The following RFK variants were observed in gnomAD, a reference collection of about 807,000 sequenced individuals.
RFK encodes 0610038L10Rik.
RFK carries 4 observed loss-of-function variants against 17.6 expected under a neutral mutation model. The observed-to-expected ratio is 0.23, with a 90% CI of 0.11 to 0.52. The LOEUF (loss-of-function observed/expected upper bound fraction) is 0.52. RFK is among the 20% of genes least tolerant of loss of function. The probability of loss-of-function intolerance (pLI) is 0.96; values close to 1 mark genes in which losing one functional copy is unlikely to be tolerated. For missense variants in RFK, 189 were observed against 187.7 expected (o/e 1.01, Z -0.04); for synonymous variants, 59 against 63.8 (o/e 0.92, Z 0.36).
chr9:76,392,354 A>G, intron 2 of RFK, 64 bp downstream of exon 2: 1 of 1,521,876 alleles, frequency 6.6e-7, no homozygotes, highest in Non-Finnish European at 9.0e-7. Context: ...TGTAACGAAT[A>G]CTGTAATATA....
Position 76,386,768 on chromosome 9 carries a change from T to A in RFK, c.*631A>T, listed in dbSNP as rs1404705539. 1 of 152,238 alleles carries A rather than the reference T, an allele frequency of 6.6e-6. No homozygotes were observed. The highest frequency in any genetic ancestry group is 1.5e-5 in the Non-Finnish European group (1 of 68,048). 9.4% of individuals were successfully genotyped at this position (152,238 alleles called of 1,614,324 possible). ...AAACAAAACTTTACAAACATCTTCA[T>A]GTTTGTAATGTATTAATGCACAAAA... On this transcript the variant is annotated 3_prime_UTR_variant, in exon 4 of 4. Transcript: ENST00000376736.
chr9:76,387,809 G>A, intron 3 of RFK: 1 of 273,720 alleles, frequency 3.7e-6, no homozygotes, highest in African/African-American at 2.2e-5. Flanking sequence ...AGACCAGCCT[G>A]GCCAGCATGG....
At position 76,388,625 on chromosome 9, in the gene RFK, T is replaced by C; in HGVS notation, c.266A>G (p.Asp89Gly). Residue 89 changes from aspartate to glycine, a missense_variant, in exon 3 of 4, where the codon GAC (aspartate) becomes GGC (glycine). Coordinates refer to ENST00000376736, the MANE Select transcript of RFK (RefSeq NM_018339.6). ...ETHIMHTFKE[D>G]FYGEILNVAI... is the part of the protein sequence containing the mutation. ...CACATTGAGGATTTCCCCATAGAAG[T>C]CCTCTTTGAAGGTATGCATGATATG... 1 of 1,611,974 alleles carries C rather than the reference T, an allele frequency of 6.2e-7. No individual in the cohort carries two copies. The highest frequency in any genetic ancestry group is 8.5e-7 in the Non-Finnish European group (1 of 1,178,106).
rs759115585 is a variant in RFK, at chr9:76,387,525, T to C, written c.342A>G (p.Ser114=). The C allele has an allele frequency of 1.9e-6, 3 of 1,609,880 alleles. No homozygotes were observed. Among genetic ancestry groups the C allele is most frequent in the South Asian group, 2.2e-5 (2 of 90,996 alleles). The change falls in exon 4 of 4, where the codon TCA becomes TCG. Residue 114 remains serine, a synonymous_variant. Transcript: ENST00000376736. The part of the protein sequence containing the change: ...RPEKNFDSLE[S]LISAIQGDIE... ...TATCACCTTGAATTGCTGAAATAAGTGACTCTGCAGAGAGAATATACCAGG... is the reference window on the plus strand; with the variant it reads ...TATCACCTTGAATTGCTGAAATAAGCGACTCTGCAGAGAGAATATACCAGG...
At chr9:76,393,093 T>C (rs1385354253) in intron 1 of RFK, among the ~76,000 whole-genome samples, 2 of 151,850 alleles carry the variant, frequency 1.3e-5, no homozygotes, top group African/African-American at 4.8e-5. Flanking sequence ...TATAAAGCTC[T>C]CCAAAAAAAT....
intron 1 of RFK, 167 bp downstream of exon 1, chr9:76,393,923 C>A (rs1366049924): frequency 1.5e-6 from 1 of 650,232 alleles, no homozygotes; most frequent in African/African-American, 1.9e-5. Flanking sequence ...GCTCCCTCAA[C>A]CGAGCCAACG....
chr9:76,387,567 C>A, intron 3 of RFK, 38 bp from the exon 4 acceptor site: 1 of 1,579,350 alleles, frequency 6.3e-7, no homozygotes, highest in Non-Finnish European at 8.6e-7. Context: ...TGATGAAAAA[C>A]CATTAACATA....
intron 1 of RFK, among the ~76,000 whole-genome samples, chr9:76,392,914 T>G (rs533665381): frequency 3.9e-4 from 59 of 152,230 alleles, no homozygotes; most frequent in East Asian, 2.3e-3. Context: ...AAAATAATAA[T>G]AAGAAACAAA....
intron 2 of RFK, 138 bp downstream of exon 2, chr9:76,392,280 G>T: frequency 3.8e-6 from 3 of 787,178 alleles, no homozygotes; most frequent in Non-Finnish European, 6.0e-6. Flanking sequence ...CCAATTAAAA[G>T]ACAGAGATTG....
At position 76,394,197 on chromosome 9, in the gene RFK, T is replaced by C. The variant is rs770202429; in HGVS notation, c.-26A>G. On this transcript the variant is annotated 5_prime_UTR_variant, in exon 1 of 4. Coordinates refer to ENST00000376736, the MANE Select transcript of RFK (RefSeq NM_018339.6). ...AATGCAGTCCGCTCGGGGAATGGGC[T>C]GCGGCCCGGTCTGCGCGTCCTGCGG... 1.3e-6 allele frequency: 2 copies of C among 1,563,742 alleles called. No individual in the cohort carries two copies. The highest frequency in any genetic ancestry group is 1.7e-6 in the Non-Finnish European group (2 of 1,156,426).
intron 2 of RFK, among the ~76,000 whole-genome samples, chr9:76,391,522 C>G (rs572712561): frequency 6.6e-6 from 1 of 152,190 alleles, no homozygotes; most frequent in South Asian, 2.1e-4. Context: ...GGTGACCAAG[C>G]GCAATTGATG....
intron 1 of RFK, 86 bp from the exon 2 acceptor site, chr9:76,392,655 C>G: frequency 7.2e-7 from 1 of 1,389,674 alleles, no homozygotes; most frequent in Non-Finnish European, 1.0e-6. Flanking sequence ...GTCTGTAATT[C>G]TAGGACTTTG....
chr9:76,388,057 C>T (rs1177944160), intron 3 of RFK: 1 of 332,602 alleles, frequency 3.0e-6, no homozygotes, highest in Admixed American at 4.4e-5. Flanking sequence ...AAGGCATAGG[C>T]ATAAATGTAC....
At chr9:76,392,340 T>G (rs1276742683) in intron 2 of RFK, 78 bp downstream of exon 2, 1 of 1,463,258 alleles carries the variant, frequency 6.8e-7, no homozygotes. Flanking sequence ...TGATAAGCTA[T>G]TTCTGTAACG....
At chr9:76,391,794 T>G (rs1324485464) in intron 2 of RFK, among the ~76,000 whole-genome samples, 1 of 152,214 alleles carries the variant, frequency 6.6e-6, no homozygotes, top group East Asian at 1.9e-4. Context: ...ATGCAGGCAG[T>G]GGCATGTACC....
At chr9:76,392,672 C>A in intron 1 of RFK, 103 bp from the exon 2 acceptor site, 2 of 1,135,700 alleles carry the variant, frequency 1.8e-6, no homozygotes, top group Non-Finnish European at 1.3e-6. Context: ...TTTGAGAGGC[C>A]AAGGCAGGAG....
At chr9:76,393,081 T>C (rs149404734) in intron 1 of RFK, among the ~76,000 whole-genome samples, 18 of 152,232 alleles carry the variant, frequency 1.2e-4, no homozygotes, top group Admixed American at 1.0e-3. Flanking sequence ...ACCAGGTAAG[T>C]ATATAAAGCT....
intron 3 of RFK, chr9:76,387,939 C>T (rs35207397): frequency 0.033 from 8,021 of 242,298 alleles, 190 homozygotes; most frequent in Non-Finnish European, 0.047. Context: ...GTGGAGGTTG[C>T]GGTGAGAGGG....
rs764413974 is a variant in RFK, at chr9:76,394,100, G to A, written c.72C>T (p.Gly24=). 8 of 1,606,546 alleles carry A rather than the reference G, an allele frequency of 5.0e-6. No individual in the cohort carries two copies. The highest frequency in any genetic ancestry group is 6.8e-6 in the Non-Finnish European group (8 of 1,177,720). ...CCGCCCTGCTCTCACCTGTGGGGAT[G>A]CCCAGCTGCTTGGAGCCGCGGCCGA... ...RGFGRGSKQL[G]IPTANFPEQV... is the part of the protein sequence containing the mutation. The change falls in exon 1 of 4, where the codon GGC becomes GGT. Residue 24 remains glycine, a synonymous_variant. Transcript: ENST00000376736.
Sources: allele counts gnomAD v4.1 joint callset (sites outside exome capture counted in the v4.1 genomes callset), GRCh38; gene constraint gnomAD v4.1.1; transcripts MANE v1.5; gene names NCBI Gene and HGNC (gene_info 2026-07-23, HGNC 2026-07-21).